FAM3D: variants seen among roughly 807,000 people sequenced by gnomAD.
FAM3D encodes FAM3 metabolism regulating signaling molecule D.
A neutral mutation model predicts 29.8 loss-of-function variants in FAM3D; 26 were observed. The ratio of observed to expected loss-of-function variants is 0.87; its 90% CI spans 0.64 to 1.21. FAM3D has a LOEUF of 1.21. Ranked by LOEUF, FAM3D falls within the 50% of genes most tolerant of loss-of-function variation. FAM3D has a pLI of 0.00. For missense variants in FAM3D, 253 were observed against 290.9 expected, an observed-to-expected ratio of 0.87 and a Z score of 0.95; for synonymous variants, 115 against 102.3, an observed-to-expected ratio of 1.12 and a Z score of -0.75.
intron 3 of FAM3D, among the ~76,000 whole-genome samples, chr3:58,650,907 T>C (rs970618759): frequency 6.6e-6 from 1 of 151,954 alleles, no homozygotes; most frequent in Non-Finnish European, 1.5e-5. Context: ...TTAGTAGAGA[T>C]GGGGTTTCAC....
intron 8 of FAM3D, among the ~76,000 whole-genome samples, chr3:58,636,778 TC>T: frequency 7.2e-6 from 1 of 139,678 alleles, no homozygotes; most frequent in East Asian, 2.1e-4. Flanking sequence ...TGTTTTTTTT[TC>T]CCCTCACTTA....
At position 58,635,394 on chromosome 3, in the gene FAM3D, T is replaced by C. The variant is rs549033357; in HGVS notation, c.585+900A>G. On this transcript the variant is annotated intron_variant, in intron 9 of 9. Coordinates refer to ENST00000358781, the MANE Select transcript of FAM3D (RefSeq NM_138805.3). This position sits in a 1 kb window ranked among gnomAD's most constrained non-coding sequence, Gnocchi z 5.2. ...GTGTGAGGACTAAGAACAGACCGGC[T>C]TAGTCCCATTAGGGTGCTTGGTTCA... Among the ~76,000 whole-genome samples, 6 of 152,300 alleles carry C rather than the reference T, an allele frequency of 3.9e-5. No individual in the cohort carries two copies. The South Asian group carries it at 1.2e-3, about 32-fold the overall frequency.
chr3:58,653,588 G>T, intron 3 of FAM3D, 86 bp downstream of exon 3: 2 of 1,271,842 alleles, frequency 1.6e-6, no homozygotes, highest in Non-Finnish European at 2.3e-6. Context: ...ATGTCTCCTG[G>T]GTCACCTAGG....
intron 1 of FAM3D, among the ~76,000 whole-genome samples, chr3:58,665,572 A>C (rs1210334958): frequency 3.3e-5 from 5 of 152,174 alleles, no homozygotes; most frequent in African/African-American, 1.2e-4. Flanking sequence ...GACCCAATTA[A>C]TGCTCACTGG....
At position 58,653,692 on chromosome 3, in the gene FAM3D, G is replaced by A. The variant is rs140921588; in HGVS notation, c.103C>T (p.Arg35Cys). Reference sequence around the variant, plus strand: ...CACTCACCCAGCCAGCGTGGCAGACGGATGGTTTTCATGCTGAAGCTCATG... The same window carrying A: ...CACTCACCCAGCCAGCGTGGCAGACAGATGGTTTTCATGCTGAAGCTCATG... ...SYMSFSMKTI[R>C]LPRWLAASPT... Residue 35 changes from arginine to cysteine, a missense_variant, in exon 3 of 10, where the codon CGT (arginine) becomes TGT (cysteine). Transcript: ENST00000358781. 1.6e-4 allele frequency: 259 copies of A among 1,613,918 alleles called. No individual in the cohort carries two copies. The highest frequency in any genetic ancestry group is 1.3e-4 in the Non-Finnish European group (152 of 1,180,032).
intron 7 of FAM3D, among the ~76,000 whole-genome samples, chr3:58,637,486 G>T (rs183314625): frequency 2.0e-5 from 3 of 152,134 alleles, no homozygotes; most frequent in Middle Eastern, 3.2e-3. Context: ...AATTCCCCTC[G>T]TGACAGGGAT....
At chr3:58,655,183 G>A (rs1364657857) in intron 2 of FAM3D, among the ~76,000 whole-genome samples, 5 of 152,066 alleles carry the variant, frequency 3.3e-5, no homozygotes, top group Non-Finnish European at 5.9e-5. Context: ...TACAAAGGGG[G>A]ATACAGTATG....
At chr3:58,653,652 C>G in intron 3 of FAM3D, 22 bp downstream of exon 3, 1 of 1,607,998 alleles carries the variant, frequency 6.2e-7, no homozygotes, top group South Asian at 1.1e-5. Context: ...AGTTCCTGCC[C>G]CCAGCAGTGA....
intron 4 of FAM3D, among the ~76,000 whole-genome samples, chr3:58,648,630 T>C (rs1244811379): frequency 6.6e-6 from 1 of 152,210 alleles, no homozygotes; most frequent in Non-Finnish European, 1.5e-5. Context: ...TGGCACATAA[T>C]AGACACTCAA....
chr3:58,645,541 G>A lies in FAM3D; in HGVS notation c.231C>T (p.Val77=), dbSNP rs144804892. The A allele has an allele frequency of 3.2e-3, 5,207 of 1,614,160 alleles. 193 individuals are homozygous for A. In the South Asian group the frequency reaches 0.054, roughly 17 times the overall value. Residue 77 remains valine (V), a synonymous_variant, in exon 5 of 10, where the codon GTC becomes GTT. Transcript: ENST00000358781. The stretch of plus-strand genomic sequence containing the variant: ...CTTCAAAGCACATAGTAGGGCCCAC[G>A]ACGTTGGCGGCCCCACTGCAGATTT... ...AFKICSGAAN[V]VGPTMCFEDR...
In FAM3D at chr3:58,643,737, A is replaced by C. The variant is rs1161506577; in HGVS notation, c.264-17T>G. 1 of 1,613,780 alleles carries C rather than the reference A, an allele frequency of 6.2e-7. No individual in the cohort carries two copies. The highest frequency in any genetic ancestry group is 1.7e-5 in the Admixed American group (1 of 60,026). ...CTCATGATCCTGAAGACAATGAAGAAGAAATATGACAGTCGGTCCCGAGTG... is the reference window on the plus strand; with the variant it reads ...CTCATGATCCTGAAGACAATGAAGACGAAATATGACAGTCGGTCCCGAGTG... On this transcript the variant is annotated splice_polypyrimidine_tract_variant and intron_variant, in intron 5 of 9. Coordinates refer to ENST00000358781, the MANE Select transcript of FAM3D (RefSeq NM_138805.3).
At position 58,653,779 on chromosome 3, in the gene FAM3D, C is replaced by T. The variant is rs536657345; in HGVS notation, c.16G>A (p.Val6Met). The stretch of plus-strand genomic sequence containing the variant: ...AAGATGAGGGCCAGGAGGCGAAGCA[C>T]ACCTGCTGAGCAAGGGGATGCTGCC... MRVSG[V>M]LRLLALIFAI... is the part of the protein sequence containing the mutation. The change falls in exon 3 of 10, where the codon GTG becomes ATG. Residue 6 changes from valine (V) to methionine (M), a missense_variant and splice_region_variant. Physicochemically the swap from Val to Met is conservative, Grantham distance 21. Transcript: ENST00000358781. 6.8e-6 allele frequency: 11 copies of T among 1,613,150 alleles called. No individual in the cohort carries two copies. The highest frequency in any genetic ancestry group is 6.6e-5 in the South Asian group (6 of 91,074).
At chr3:58,649,392 G>A (rs746796437) in intron 3 of FAM3D, 54 bp from the exon 4 acceptor site, 6 of 1,612,216 alleles carry the variant, frequency 3.7e-6, no homozygotes, top group Non-Finnish European at 5.1e-6. Context: ...CCCTCCTGCA[G>A]GATGGAGGTT....
intron 7 of FAM3D, among the ~76,000 whole-genome samples, chr3:58,639,240 CT>C (rs2066260779): frequency 6.6e-6 from 1 of 152,280 alleles, no homozygotes; most frequent in African/African-American, 2.4e-5. Flanking sequence ...ACTAACATAG[CT>C]TGCCTGGACC....
chr3:58,661,084 C>A (rs2066920302), intron 1 of FAM3D, among the ~76,000 whole-genome samples: 1 of 152,180 alleles, frequency 6.6e-6, no homozygotes, highest in Non-Finnish European at 1.5e-5. Context: ...AGGAAAGCAG[C>A]CACAGACAAT....
intron 1 of FAM3D, among the ~76,000 whole-genome samples, chr3:58,658,251 G>C (rs1476981441): frequency 1.3e-5 from 2 of 152,202 alleles, no homozygotes; most frequent in Non-Finnish European, 2.9e-5. Context: ...GGAAGTGCTG[G>C]ATGAATATTT....
chr3:58,636,529 TG>T, intron 8 of FAM3D, 109 bp from the exon 9 acceptor site: 3 of 1,482,012 alleles, frequency 2.0e-6, no homozygotes, highest in South Asian at 2.6e-5. Context: ...ATTCAGCATC[TG>T]CCCTGGGGGT....
At position 58,653,673 on chromosome 3, in the gene FAM3D, C is replaced by A; in HGVS notation, c.121+1G>T. 5 of 1,613,472 alleles carry A rather than the reference C, an allele frequency of 3.1e-6. No homozygotes were observed. On this transcript the variant is annotated splice_donor_variant, in intron 3 of 9. Coordinates refer to ENST00000358781, the MANE Select transcript of FAM3D (RefSeq NM_138805.3). LOFTEE classifies it high-confidence loss of function. ...TGCCCCCAGCAGTGAGCCCCACTCACCCAGCCAGCGTGGCAGACGGATGGT... is the reference window on the plus strand; with the variant it reads ...TGCCCCCAGCAGTGAGCCCCACTCAACCAGCCAGCGTGGCAGACGGATGGT...
intron 6 of FAM3D, among the ~76,000 whole-genome samples, chr3:58,642,778 T>G (rs6763481): frequency 0.44 from 67,150 of 152,028 alleles, 15,844 homozygotes; most frequent in South Asian, 0.6. Context: ...CTGGAGTGCA[T>G]GCCTGGCCCC....
Sources: gnomAD v4.1 joint callset for allele counts (sites outside exome capture counted in the v4.1 genomes callset) on GRCh38, gnomAD v4.1.1 for gene constraint, Gnocchi (gnomAD v3.1) non-coding constraint, MANE v1.5 for transcripts, NCBI Gene and HGNC (gene_info 2026-07-23, HGNC 2026-07-21) for gene names.